Variants in TTC39C observed in about 807,000 individuals in gnomAD.
TTC39C encodes the protein tetratricopeptide repeat domain 39C, also known as tetratricopeptide repeat protein 39C.
Under a neutral mutation model 76.3 loss-of-function variants are expected in TTC39C, and 33 were observed. That is an observed-to-expected ratio of 0.43 (90% CI 0.33 to 0.58). The LOEUF (loss-of-function observed/expected upper bound fraction) is 0.58. TTC39C is among the 20% of genes least tolerant of loss of function. The pLI is 0.04. For missense variants in TTC39C, 595 were observed against 701.4 expected (o/e 0.85, Z 1.71); for synonymous variants, 254 against 260.6 (o/e 0.97, Z 0.24).
intron 1 of TTC39C, among the ~76,000 whole-genome samples, chr18:24,055,776 G>A (rs1245683816): frequency 6.6e-6 from 1 of 152,098 alleles, no homozygotes; most frequent in Non-Finnish European, 1.5e-5. Context: ...CATTACCTGT[G>A]CTTTTGGTGT....
intron 6 of TTC39C, among the ~76,000 whole-genome samples, chr18:24,083,578 G>A (rs968547976): frequency 1.3e-5 from 2 of 152,030 alleles, no homozygotes; most frequent in Non-Finnish European, 2.9e-5. Flanking sequence ...CTTTATACAC[G>A]CTTTTCCATT....
Position 24,133,261 on chromosome 18 carries a change from A to G in TTC39C, c.*687A>G, listed in dbSNP as rs892133715. 3 of 152,238 alleles carry G rather than the reference A, an allele frequency of 2.0e-5. No individual in the cohort carries two copies. Among genetic ancestry groups the G allele is most frequent in the African/African-American group, 7.2e-5 (3 of 41,464 alleles). 9.4% of individuals were successfully genotyped at this position (152,238 alleles called of 1,614,324 possible). On this transcript the variant is annotated 3_prime_UTR_variant, in exon 14 of 14. Transcript: ENST00000317571. The stretch of plus-strand genomic sequence containing the variant: ...CCATGTTTTACTTATTAAAAGAACA[A>G]AATCTTCAGCTGAAGTTATGTCACC...
intron 6 of TTC39C, among the ~76,000 whole-genome samples, chr18:24,106,026 A>G (rs1188403009): frequency 2.0e-5 from 3 of 152,142 alleles, no homozygotes; most frequent in Non-Finnish European, 4.4e-5. Context: ...TGGCCTCCGC[A>G]TCTGCATTCT....
chr18:24,008,380 G>A (rs2083370026), intron 1 of TTC39C, among the ~76,000 whole-genome samples: 1 of 152,220 alleles, frequency 6.6e-6, no homozygotes, highest in African/African-American at 2.4e-5. Context: ...AGTCAGGGGA[G>A]AAGCCTACTG....
Position 24,134,540 on chromosome 18 carries a change from G to C in TTC39C, c.*1966G>C, listed in dbSNP as rs927227374. ...TCCACCCGCCTTGGCCTCCCAAAGA[G>C]CTGGGATTACTGGTGTGAGCCACCG... is the stretch of plus-strand genomic sequence containing the variant. On this transcript the variant is annotated 3_prime_UTR_variant, in exon 14 of 14. Coordinates refer to ENST00000317571, the MANE Select transcript of TTC39C (RefSeq NM_001135993.2). 2 of 152,116 alleles carry C rather than the reference G, an allele frequency of 1.3e-5. No homozygotes were observed. The highest frequency in any genetic ancestry group is 3.9e-4 in the East Asian group (2 of 5,182). The allele number at this position is 152,116 out of a possible 1,614,324, so 9.4% of individuals were successfully genotyped here. A position where few individuals can be genotyped will look rare whatever the true frequency, so the allele number is the denominator to read the frequency against.
chr18:24,013,169 T>C (rs1354418824), upstream of TTC39C: 1 of 152,198 alleles, frequency 6.6e-6, no homozygotes, highest in Non-Finnish European at 1.5e-5. Context: ...GTCAAATCCT[T>C]CTTCTCAGAC....
chr18:24,031,261 G>A (rs2195513), intron 1 of TTC39C, among the ~76,000 whole-genome samples: 144,953 of 152,108 alleles, frequency 0.95, 69,406 homozygotes, highest in East Asian at 1. Context: ...CCTGTCCTCC[G>A]AGGATAAGTC....
At chr18:24,024,173 A>G (rs1438434599) in intron 1 of TTC39C, among the ~76,000 whole-genome samples, 1 of 149,106 alleles carries the variant, frequency 6.7e-6, no homozygotes, top group African/African-American at 2.5e-5. Context: ...CCACCACGCC[A>G]GGCTAATTTT....
At chr18:24,118,952 G>T (rs11659899) in intron 8 of TTC39C, among the ~76,000 whole-genome samples, 8,533 of 152,270 alleles carry the variant, frequency 0.056, 353 homozygotes, top group Non-Finnish European at 0.086. Flanking sequence ...CTCAGAGCCT[G>T]ATCTGTGCTA....
intron 6 of TTC39C, among the ~76,000 whole-genome samples, chr18:24,092,315 C>T (rs563039747): frequency 2.6e-5 from 4 of 152,082 alleles, no homozygotes; most frequent in African/African-American, 9.6e-5. Context: ...TCATTCATTG[C>T]CAGTGAGAAT....
intron 1 of TTC39C, among the ~76,000 whole-genome samples, chr18:24,038,585 C>A (rs761974390): frequency 2.6e-5 from 4 of 152,102 alleles, no homozygotes; most frequent in Non-Finnish European, 5.9e-5. Flanking sequence ...GCCTGGCCCA[C>A]ACAGCATATA....
At chr18:24,065,584 G>T (rs2084155922) in intron 2 of TTC39C, among the ~76,000 whole-genome samples, 1 of 152,346 alleles carries the variant, frequency 6.6e-6, no homozygotes, top group African/African-American at 2.4e-5. Context: ...GATTTTCCAG[G>T]TGTACCTACA....
At chr18:24,055,902 A>G (rs931014546) in intron 1 of TTC39C, among the ~76,000 whole-genome samples, 1 of 152,182 alleles carries the variant, frequency 6.6e-6, no homozygotes, top group African/African-American at 2.4e-5. Flanking sequence ...TCATGCATGT[A>G]GTTTTCTTTT....
intron 6 of TTC39C, among the ~76,000 whole-genome samples, chr18:24,092,299 G>C (rs1480293996): frequency 6.6e-6 from 1 of 152,010 alleles, no homozygotes; most frequent in Non-Finnish European, 1.5e-5. Flanking sequence ...AGAGTGATTG[G>C]AACCCTCATT....
intron 4 of TTC39C, among the ~76,000 whole-genome samples, chr18:24,072,742 ATTAC>A (rs2084257122): frequency 6.6e-6 from 1 of 152,352 alleles, no homozygotes; most frequent in South Asian, 2.1e-4. Context: ...GCAAGAATAT[ATTAC>A]TTTTGTGATA....
At chr18:24,064,021 A>G in intron 1 of TTC39C, 119 bp from the exon 2 acceptor site, 1 of 1,390,888 alleles carries the variant, frequency 7.2e-7, no homozygotes, top group Non-Finnish European at 9.6e-7. Flanking sequence ...GATGACCTTA[A>G]CTTCTTTTAT....
chr18:24,084,856 G>A (rs1304895685), intron 6 of TTC39C, among the ~76,000 whole-genome samples: 1 of 151,914 alleles, frequency 6.6e-6, no homozygotes, highest in East Asian at 1.9e-4. Flanking sequence ...TTAGAGATGG[G>A]GTCTCCCTAT....
chr18:24,113,038 C>T (rs1280282545), intron 6 of TTC39C, among the ~76,000 whole-genome samples: 2 of 151,902 alleles, frequency 1.3e-5, no homozygotes, highest in African/African-American at 2.4e-5. Flanking sequence ...GAGCTGTGGG[C>T]GATTCCCATT....
intron 3 of TTC39C, 31 bp downstream of exon 3, chr18:24,066,171 T>G: frequency 6.4e-7 from 1 of 1,560,744 alleles, no homozygotes; most frequent in Non-Finnish European, 8.6e-7. Flanking sequence ...TTGTGGACTG[T>G]GTGCCACTTA....
Sources: gnomAD v4.1 joint callset for allele counts (sites outside exome capture counted in the v4.1 genomes callset) on GRCh38, gnomAD v4.1.1 for gene constraint, MANE v1.5 for transcripts, NCBI Gene and HGNC (gene_info 2026-07-23, HGNC 2026-07-21) for gene names.